Variants in DHCR7 observed in about 807,000 individuals in gnomAD.
DHCR7 encodes 7-dehydrocholesterol reductase.
A neutral mutation model predicts 43.3 loss-of-function variants in DHCR7; 40 were observed. That is an observed-to-expected ratio of 0.92 (90% CI 0.72 to 1.20). The LOEUF is 1.20. Ranked by LOEUF, DHCR7 falls within the 50% of genes most tolerant of loss-of-function variation. DHCR7 has a pLI of 0.00. For synonymous variants in DHCR7, 298 were observed against 271.4 expected (o/e 1.10, Z -0.96); for missense variants, 608 against 644.6 (o/e 0.94, Z 0.62).
chr11:71,443,979 C>G lies in DHCR7; in HGVS notation c.321+14G>C. Reference sequence around the variant, plus strand: ...CACCTGCTGTGTCCCAACCCCAGGGCAGGGGCTGCTGACCTGGAAGGTGAC... The same window carrying G: ...CACCTGCTGTGTCCCAACCCCAGGGGAGGGGCTGCTGACCTGGAAGGTGAC... On this transcript the variant is annotated intron_variant, in intron 4 of 8. Transcript: ENST00000355527. 1 of 1,605,660 alleles carries G rather than the reference C, an allele frequency of 6.2e-7. No individual in the cohort carries two copies. The highest frequency in any genetic ancestry group is 8.5e-7 in the Non-Finnish European group (1 of 1,175,496).
chr11:71,444,747 CT>C, intron 3 of DHCR7, 107 bp downstream of exon 3: 1 of 901,810 alleles, frequency 1.1e-6, no homozygotes, highest in Non-Finnish European at 1.7e-6. Context: ...AAAAAAAAAT[CT>C]TTTTTAAAAA....
chr11:71,434,641 T>C lies in DHCR7; in HGVS notation c.*734A>G, dbSNP rs7690. The C allele has an allele frequency of 0.86, 141,129 of 164,736 alleles. 61,546 individuals are homozygous for C. The highest frequency in any genetic ancestry group is 0.95 in the Non-Finnish European group (71,296 of 74,828). The allele number at this position is 164,736 out of a possible 1,614,324, so 10.2% of individuals were successfully genotyped here. On this transcript the variant is annotated 3_prime_UTR_variant, in exon 9 of 9. Transcript: ENST00000355527. ...GCTCGAGCCAGAGTCTGCACAGTCA[T>C]AGGGCAAGCAGAAAATTCTTTCGAG...
In DHCR7 at chr11:71,444,893, A is replaced by T. The variant is rs771795285; in HGVS notation, c.60T>A (p.Asn20Lys). Residue 20 changes from asparagine to lysine, a missense_variant, in exon 3 of 9, where the codon AAT (asparagine) becomes AAA (lysine). Coordinates refer to ENST00000355527, the MANE Select transcript of DHCR7 (RefSeq NM_001360.3). ...PKAKSLDGVT[N>K]DRTASQGQWG... ...ACTGCCCTTGAGATGCGGTTCTGTC[A>T]TTGGTGACGCCATCTAGACTCTTGG... 4 of 1,614,194 alleles carry T rather than the reference A, an allele frequency of 2.5e-6. No homozygotes were observed. Among genetic ancestry groups the T allele is most frequent in the Non-Finnish European group, 3.4e-6 (4 of 1,180,038 alleles).
intron 6 of DHCR7, among the ~76,000 whole-genome samples, chr11:71,439,666 G>C (rs551810435): frequency 6.6e-6 from 1 of 152,332 alleles, no homozygotes; most frequent in East Asian, 1.9e-4. Context: ...CATCAGCCGA[G>C]ATAACCCCTG....
chr11:71,429,627 C>G (rs965500450), downstream of DHCR7, among the ~76,000 whole-genome samples: 1 of 152,060 alleles, frequency 6.6e-6, no homozygotes, highest in African/African-American at 2.4e-5. Flanking sequence ...AAGGTCAGTA[C>G]TGATTGAGGG....
Position 71,439,008 on chromosome 11 carries a change from G to A in DHCR7, c.702C>T (p.Asp234=). 1.2e-6 allele frequency: 2 copies of A among 1,614,122 alleles called. No individual in the cohort carries two copies. The highest frequency in any genetic ancestry group is 1.6e-4 in the Middle Eastern group (1 of 6,062). ...EFNPRIGKWF[D]FKLFFNGRPG... ...GGCGCCCATTGAAGAACAGCTTGAA[G>A]TCAAACCACTTCCCGATCCGAGGGT... is the stretch of plus-strand genomic sequence containing the variant. Residue 234 remains aspartate (D), a synonymous_variant, in exon 7 of 9, where the codon GAC becomes GAT. Coordinates refer to ENST00000355527, the MANE Select transcript of DHCR7 (RefSeq NM_001360.3).
rs957224121 is a variant in DHCR7, at chr11:71,445,019, T to C, written c.-6-61A>G. ...AAATAACAGACACCACCTTTCCCTGTTGCATCCACCACTGCTCCTGGGCCT... is the reference window on the plus strand; with the variant it reads ...AAATAACAGACACCACCTTTCCCTGCTGCATCCACCACTGCTCCTGGGCCT... On this transcript the variant is annotated intron_variant, in intron 2 of 8. Transcript: ENST00000355527. The C allele has an allele frequency of 8.3e-6, 12 of 1,445,846 alleles. No homozygotes were observed. In the Admixed American group the frequency reaches 1.7e-4, roughly 20 times the overall value. The allele number at this position is 1,445,846 out of a possible 1,614,324, so 89.6% of individuals were successfully genotyped here.
chr11:71,427,996 G>A (rs1473059718), downstream of DHCR7, among the ~76,000 whole-genome samples: 1 of 152,156 alleles, frequency 6.6e-6, no homozygotes, highest in East Asian at 1.9e-4. Flanking sequence ...CAATTAGAGT[G>A]GTGAGAACCC....
intron 2 of DHCR7, among the ~76,000 whole-genome samples, chr11:71,446,260 G>GAAAAAAAA (rs57679336): frequency 4.6e-5 from 3 of 65,912 alleles, no homozygotes; most frequent in Non-Finnish European, 5.5e-5. Flanking sequence ...CTTACCAAAT[G>GAAAAAAAA]AAAAAAAAAA....
chr11:71,438,123 G>A (rs1412840303), intron 7 of DHCR7, among the ~76,000 whole-genome samples, 180 bp from the exon 8 acceptor site: 1 of 152,184 alleles, frequency 6.6e-6, no homozygotes, highest in Non-Finnish European at 1.5e-5. Flanking sequence ...GTCATGGGCA[G>A]GGCTAAGGGC....
At chr11:71,438,672 T>C in intron 7 of DHCR7, 1 of 633,216 alleles carries the variant, frequency 1.6e-6, no homozygotes, top group Non-Finnish European at 2.8e-6. Context: ...ACCTGCCTCC[T>C]CCCCTCCCAG....
At chr11:71,445,128 T>TA (rs1434589637) in intron 2 of DHCR7, among the ~76,000 whole-genome samples, 170 bp from the exon 3 acceptor site, 1 of 152,226 alleles carries the variant, frequency 6.6e-6, no homozygotes, top group Admixed American at 6.5e-5. Flanking sequence ...CATCTTGTCT[T>TA]AGACTCTCTT....
At chr11:71,430,931 G>T (rs1467555827), downstream of DHCR7, among the ~76,000 whole-genome samples, 2 of 152,250 alleles carry the variant, frequency 1.3e-5, no homozygotes, top group African/African-American at 4.8e-5. Context: ...AAGGCGGGCA[G>T]ATCACCTGAG....
chr11:71,430,880 C>A (rs563567490), downstream of DHCR7, among the ~76,000 whole-genome samples: 1 of 152,192 alleles, frequency 6.6e-6, no homozygotes, highest in South Asian at 2.1e-4. Context: ...CTAGGCTGGG[C>A]ACGGTGGCTC....
downstream of DHCR7, among the ~76,000 whole-genome samples, chr11:71,433,882 T>A (rs1949243635): frequency 6.6e-6 from 1 of 152,120 alleles, no homozygotes; most frequent in Non-Finnish European, 1.5e-5. Context: ...CTCAAACAGG[T>A]AGTGGTGGGG....
Position 71,441,340 on chromosome 11 carries a change from G to A in DHCR7, c.513C>T (p.Thr171=), listed in dbSNP as rs566499249. The A allele has an allele frequency of 3.0e-5, 48 of 1,614,230 alleles. No homozygotes were observed. In the East Asian group the frequency reaches 5.8e-4, roughly 19 times the overall value. The change falls in exon 6 of 9, where the codon ACC becomes ACT. Residue 171 remains threonine (T), a synonymous_variant. Coordinates refer to ENST00000355527, the MANE Select transcript of DHCR7 (RefSeq NM_001360.3). Reference sequence around the variant, plus strand: ...GTGGGATCCAGTTGTCGAAGATGATGGTGGGCGAGAACCAGGACAGGAGAT... The same window carrying A: ...GTGGGATCCAGTTGTCGAAGATGATAGTGGGCGAGAACCAGGACAGGAGAT... ...NAHLLSWFSP[T]IIFDNWIPLL...
downstream of DHCR7, among the ~76,000 whole-genome samples, chr11:71,429,845 G>A (rs1242711021): frequency 1.3e-5 from 2 of 152,142 alleles, no homozygotes; most frequent in Admixed American, 1.3e-4. Context: ...GTGTCCAGGT[G>A]ACCACACTCA....
chr11:71,438,657 G>A (rs1040415640), intron 7 of DHCR7: 16 of 617,048 alleles, frequency 2.6e-5, no homozygotes, highest in Middle Eastern at 4.3e-4. Flanking sequence ...GCCTGGCTGC[G>A]TAGAACCTGC....
rs556159684 is a variant in DHCR7, at chr11:71,437,050, T to C, written c.963+762A>G. Among the ~76,000 whole-genome samples, 154 of 152,236 alleles carry C rather than the reference T, an allele frequency of 1.0e-3. 1 individual carries two copies. The highest frequency in any genetic ancestry group is 4.8e-3 in the Admixed American group (74 of 15,304). On this transcript the variant is annotated intron_variant, in intron 8 of 8. Transcript: ENST00000355527. ...GGGCTCCAAGGACCTGGTGTGAGCATGGGGCCAGCTGGGGCTCTGCACCCT... is the reference window on the plus strand; with the variant it reads ...GGGCTCCAAGGACCTGGTGTGAGCACGGGGCCAGCTGGGGCTCTGCACCCT...
Sources: allele counts gnomAD v4.1 joint callset (sites outside exome capture counted in the v4.1 genomes callset), GRCh38; gene constraint gnomAD v4.1.1; transcripts MANE v1.5; gene names NCBI Gene and HGNC (gene_info 2026-07-23, HGNC 2026-07-21).